The following DAAM1 variants were observed in gnomAD, a reference collection of about 807,000 sequenced individuals.
DAAM1 encodes the protein disheveled-associated activator of morphogenesis 1.
A neutral mutation model predicts 130.0 loss-of-function variants in DAAM1; 52 were observed. That is an observed-to-expected ratio of 0.40 (90% CI 0.32 to 0.50). The LOEUF (loss-of-function observed/expected upper bound fraction) is 0.50. Ranked by LOEUF, DAAM1 falls within the 20% of genes least tolerant of loss-of-function variation. The probability of loss-of-function intolerance (pLI) is 0.61; values close to 1 mark genes in which losing one functional copy is unlikely to be tolerated. For synonymous variants in DAAM1, 452 were observed against 444.5 expected (o/e 1.02, Z -0.21); for missense variants, 1,134 against 1,303.8 (o/e 0.87, Z 2.01).
intron 4 of DAAM1, among the ~76,000 whole-genome samples, chr14:59,317,674 C>T (rs777369255): frequency 1.3e-5 from 2 of 152,182 alleles, no homozygotes; most frequent in Non-Finnish European, 2.9e-5. Flanking sequence ...GCGGTCCCAC[C>T]AGCATCCTAT....
intron 3 of DAAM1, among the ~76,000 whole-genome samples, chr14:59,314,906 A>G (rs972059103): frequency 6.6e-6 from 1 of 152,190 alleles, no homozygotes; most frequent in African/African-American, 2.4e-5. Flanking sequence ...ATGGTCACCT[A>G]AGGCAAGTTT....
chr14:59,320,771 TA>T (rs1257081107), intron 5 of DAAM1, among the ~76,000 whole-genome samples, 187 bp downstream of exon 5: 11 of 149,502 alleles, frequency 7.4e-5, no homozygotes, highest in African/African-American at 2.4e-4. Flanking sequence ...CTAGGATGGC[TA>T]AAAAAAAACA....
At chr14:59,290,083 G>A (rs996038965) in intron 2 of DAAM1, among the ~76,000 whole-genome samples, 1 of 151,846 alleles carries the variant, frequency 6.6e-6, no homozygotes, top group African/African-American at 2.4e-5. Flanking sequence ...AGTGACATGC[G>A]AGTTACCTAT....
chr14:59,342,787 C>G (rs1566714235), intron 16 of DAAM1, among the ~76,000 whole-genome samples: 2 of 152,168 alleles, frequency 1.3e-5, no homozygotes, highest in Admixed American at 6.5e-5. Context: ...GGAGGGGCAC[C>G]AGCAGGGCTT....
chr14:59,276,471 C>T (rs1254857043), intron 2 of DAAM1, among the ~76,000 whole-genome samples: 1 of 152,060 alleles, frequency 6.6e-6, no homozygotes, highest in Non-Finnish European at 1.5e-5. Context: ...AGGGGCTTAA[C>T]TTATTTCTGG....
intron 1 of DAAM1, among the ~76,000 whole-genome samples, chr14:59,246,139 A>T (rs1191284532): frequency 6.6e-6 from 1 of 152,164 alleles, no homozygotes; most frequent in Non-Finnish European, 1.5e-5. Context: ...GCATATTCAC[A>T]TTGTTGTGAA....
At chr14:59,246,458 G>A (rs980556275) in intron 1 of DAAM1, among the ~76,000 whole-genome samples, 2 of 152,068 alleles carry the variant, frequency 1.3e-5, no homozygotes, top group Admixed American at 1.3e-4. Context: ...ATCTATTGAT[G>A]ACATTTGGGT....
At chr14:59,197,319 C>G (rs1457354951) in intron 1 of DAAM1, among the ~76,000 whole-genome samples, 1 of 152,180 alleles carries the variant, frequency 6.6e-6, no homozygotes, top group Non-Finnish European at 1.5e-5. Context: ...TGTTTGGTTT[C>G]CCCATCCTGT....
chr14:59,360,414 A>G (rs557942442), intron 21 of DAAM1, among the ~76,000 whole-genome samples: 1 of 152,380 alleles, frequency 6.6e-6, no homozygotes, highest in South Asian at 2.1e-4. Flanking sequence ...GTACAATGTG[A>G]ACATGATTGC....
chr14:59,286,616 G>A (rs189180774), intron 2 of DAAM1, among the ~76,000 whole-genome samples: 11 of 152,008 alleles, frequency 7.2e-5, no homozygotes, highest in Admixed American at 2.0e-4. Flanking sequence ...CTGACCCCAC[G>A]GAAACAAACA....
At chr14:59,248,399 A>G (rs142524146) in intron 1 of DAAM1, among the ~76,000 whole-genome samples, 1 of 152,258 alleles carries the variant, frequency 6.6e-6, no homozygotes, top group Non-Finnish European at 1.5e-5. Flanking sequence ...ACTTACAGTA[A>G]TTAAAATTCA....
chr14:59,290,953 T>G (rs1883713553), intron 2 of DAAM1, among the ~76,000 whole-genome samples: 1 of 152,064 alleles, frequency 6.6e-6, no homozygotes, highest in African/African-American at 2.4e-5. Flanking sequence ...TAATTCTGTC[T>G]GTGCTTGGTC....
chr14:59,217,592 T>A (rs1031451389), intron 1 of DAAM1, among the ~76,000 whole-genome samples: 11 of 152,162 alleles, frequency 7.2e-5, no homozygotes, highest in Non-Finnish European at 1.5e-5. Context: ...ATCTCAGCAC[T>A]TTGGGAGGCC....
chr14:59,315,729 A>G (rs1478377161), intron 4 of DAAM1, among the ~76,000 whole-genome samples: 3 of 152,152 alleles, frequency 2.0e-5, no homozygotes, highest in South Asian at 2.1e-4. Context: ...TGATTAAGCG[A>G]TTTCTTTACT....
At position 59,305,066 on chromosome 14, in the gene DAAM1, G is replaced by A. The variant is rs11624112; in HGVS notation, c.274-10214G>A. Among the ~76,000 whole-genome samples, 915 of 152,316 alleles carry A rather than the reference G, an allele frequency of 6.0e-3. 11 individuals carry two copies. Among genetic ancestry groups the A allele is most frequent in the African/African-American group, 0.019 (810 of 41,564 alleles). ...GTAGCTACAAATGTGGTAGCAAGAT[G>A]TGAGGCAGCAAAGGCCATTGACACC... On this transcript the variant is annotated intron_variant, in intron 3 of 24. Coordinates refer to ENST00000360909, the MANE Select transcript of DAAM1 (RefSeq NM_001270520.2).
rs568375904 is a variant in DAAM1 at position 59,206,061 on chromosome 14, C to T, written c.-38+17293C>T. The stretch of plus-strand genomic sequence containing the variant: ...AAAGACAGGGGTCTCACTATGTTGC[C>T]CAGGCTGGTCTCGAACTCCTGGGCT... On this transcript the variant is annotated intron_variant, in intron 1 of 24. Coordinates refer to ENST00000360909, the MANE Select transcript of DAAM1 (RefSeq NM_001270520.2). 1.1e-4 allele frequency among the ~76,000 whole-genome samples: 17 copies of T among 151,926 alleles called. No individual in the cohort carries two copies. The South Asian group carries it at 3.1e-3, about 28-fold the overall frequency.
intron 16 of DAAM1, among the ~76,000 whole-genome samples, chr14:59,347,325 C>T (rs1886123258): frequency 6.6e-6 from 1 of 150,498 alleles, no homozygotes; most frequent in Non-Finnish European, 1.5e-5. Context: ...GCAGCTTTGT[C>T]CTCTGTGTCA....
intron 15 of DAAM1, among the ~76,000 whole-genome samples, chr14:59,339,603 A>G (rs1281605864): frequency 6.6e-6 from 1 of 152,154 alleles, no homozygotes; most frequent in East Asian, 1.9e-4. Context: ...GTACATGAAG[A>G]TGTTTGGGAG....
At chr14:59,326,212 T>A in intron 10 of DAAM1, 135 bp downstream of exon 10, 1 of 811,444 alleles carries the variant, frequency 1.2e-6, no homozygotes. Flanking sequence ...GACAGCCAAG[T>A]ATGTGTGTCT....
Sources: allele counts gnomAD v4.1 joint callset (sites outside exome capture counted in the v4.1 genomes callset), GRCh38; gene constraint gnomAD v4.1.1; transcripts MANE v1.5; gene names NCBI Gene and HGNC (gene_info 2026-07-23, HGNC 2026-07-21).